TNRC18: variants seen among roughly 807,000 people sequenced by gnomAD.
TNRC18 encodes the protein trinucleotide repeat containing 18.
In TNRC18, 69 loss-of-function variants were observed where a neutral mutation model predicts 226.7. The ratio of observed to expected loss-of-function variants is 0.30; its 90% confidence interval spans 0.25 to 0.37. TNRC18 has a LOEUF of 0.37. Ranked by LOEUF, TNRC18 falls within the 10% of genes least tolerant of loss-of-function variation. The pLI is 1.00. For synonymous variants in TNRC18, 2,449 were observed against 1,927.6 expected (o/e 1.27, Z -7.09); for missense variants, 4,754 against 4,256.6 (o/e 1.12, Z -3.25).
At chr7:5,336,961 T>C (rs1323528942) in intron 18 of TNRC18, among the ~76,000 whole-genome samples, 2 of 152,296 alleles carry the variant, frequency 1.3e-5, no homozygotes, top group African/African-American at 4.8e-5. Context: ...TGCTTGAATA[T>C]TTGCTTTTCC....
Position 5,411,794 on chromosome 7 carries a change from C to T in TNRC18, c.187+9266G>A, listed in dbSNP as rs147830293. ...ACACCCAAGAACCGGGCCAACCAGA[C>T]TAGAGAAGGAAGATGGAAAATTCCA... On this transcript the variant is annotated intron_variant, in intron 2 of 29. Transcript: ENST00000430969. 4.9e-4 allele frequency among the ~76,000 whole-genome samples: 75 copies of T among 151,848 alleles called. 1 individual carries two copies. Among genetic ancestry groups the T allele is most frequent in the African/African-American group, 1.7e-3 (70 of 41,404 alleles).
At chr7:5,310,380 C>A (rs774464791) in intron 27 of TNRC18, among the ~76,000 whole-genome samples, 9 of 152,142 alleles carry the variant, frequency 5.9e-5, no homozygotes, top group Non-Finnish European at 8.8e-5. Context: ...CAGGCGTGCA[C>A]CACCACGCCT....
rs535737928 is a variant in TNRC18, at chr7:5,333,761, C to T, written c.5720-712G>A. Among the ~76,000 whole-genome samples, 6 of 152,328 alleles carry T rather than the reference C, an allele frequency of 3.9e-5. No individual in the cohort carries two copies. In the South Asian group the frequency reaches 1.0e-3, roughly 26 times the overall value. ...CCTATGCACAAAGCACCAGCTCCCCCGACCTCTCCTTGGAACGGCGCTAAG... is the reference window on the plus strand; with the variant it reads ...CCTATGCACAAAGCACCAGCTCCCCTGACCTCTCCTTGGAACGGCGCTAAG... On this transcript the variant is annotated intron_variant, in intron 18 of 29. Coordinates refer to ENST00000430969, the MANE Select transcript of TNRC18 (RefSeq NM_001080495.3).
chr7:5,416,409 C>T (rs1393238530), intron 2 of TNRC18, among the ~76,000 whole-genome samples: 3 of 152,008 alleles, frequency 2.0e-5, no homozygotes, highest in Non-Finnish European at 4.4e-5. Context: ...AGCGAGACTC[C>T]GTCTCAAAAA....
chr7:5,406,623 G>A (rs971796729), intron 2 of TNRC18, among the ~76,000 whole-genome samples: 17 of 152,198 alleles, frequency 1.1e-4, no homozygotes, highest in African/African-American at 4.1e-4. Context: ...GGCAGAAGCG[G>A]GCGGATCACC....
intron 5 of TNRC18, among the ~76,000 whole-genome samples, chr7:5,382,329 C>G (rs1430764677): frequency 6.6e-6 from 1 of 152,164 alleles, no homozygotes; most frequent in Non-Finnish European, 1.5e-5. Flanking sequence ...GCCCAGAGGC[C>G]CAGCCCCAGC....
At chr7:5,408,707 T>C (rs1204032856) in intron 2 of TNRC18, among the ~76,000 whole-genome samples, 10 of 151,900 alleles carry the variant, frequency 6.6e-5, no homozygotes, top group East Asian at 5.8e-4. Context: ...ATGTGCGGCC[T>C]GGCACAGTGG....
At chr7:5,397,386 G>A (rs566173464) in intron 2 of TNRC18, among the ~76,000 whole-genome samples, 5 of 152,266 alleles carry the variant, frequency 3.3e-5, no homozygotes, top group South Asian at 2.1e-4. Context: ...TGTGAAACCC[G>A]CCCAGCAGCA....
intron 21 of TNRC18, among the ~76,000 whole-genome samples, chr7:5,321,635 A>C (rs1788366556): frequency 6.8e-6 from 1 of 147,984 alleles, no homozygotes; most frequent in African/African-American, 2.5e-5. Context: ...CCAAACTTCT[A>C]GGACTTTATT....
intron 26 of TNRC18, 106 bp from the exon 27 acceptor site, chr7:5,313,969 GTTTTTT>G (rs11292393): frequency 2.6e-6 from 3 of 1,134,620 alleles, no homozygotes; most frequent in Non-Finnish European, 3.4e-6. Flanking sequence ...TTTTGTTTTT[GTTTTTT>G]TTTTGAGATG....
At chr7:5,408,803 C>T (rs1292164169) in intron 2 of TNRC18, among the ~76,000 whole-genome samples, 3 of 152,172 alleles carry the variant, frequency 2.0e-5, no homozygotes, top group African/African-American at 7.2e-5. Context: ...ACCCTAGTAC[C>T]TGTAAAGCCA....
At chr7:5,365,677 C>T (rs775082942) in intron 11 of TNRC18, among the ~76,000 whole-genome samples, 6 of 152,100 alleles carry the variant, frequency 3.9e-5, no homozygotes, top group African/African-American at 7.2e-5. Flanking sequence ...GGGTCTTAAA[C>T]TCCTGGGCAC....
At chr7:5,406,471 T>A (rs552312792) in intron 2 of TNRC18, among the ~76,000 whole-genome samples, 473 of 140,834 alleles carry the variant, frequency 3.4e-3, no homozygotes, top group Middle Eastern at 4.7e-3. Context: ...CAAAAAAAAA[T>A]TTTTTTTTAA....
Position 5,388,361 on chromosome 7 carries a change from T to C in TNRC18, c.1463A>G (p.Gln488Arg), listed in dbSNP as rs750290913. 2.4e-5 allele frequency: 38 copies of C among 1,571,314 alleles called. No homozygotes were observed. Among genetic ancestry groups the C allele is most frequent in the Non-Finnish European group, 3.0e-5 (35 of 1,161,742 alleles). Residue 488 changes from glutamine (Q) to arginine (R), a missense_variant, in exon 5 of 30, where the codon CAA (glutamine) becomes CGA (arginine). Transcript: ENST00000430969. ...CAGGCCGAAGAGCTTGGCGGCCTGTTGGGCTGCAGGACCGGCTGGGCCGCG... is the reference window on the plus strand; with the variant it reads ...CAGGCCGAAGAGCTTGGCGGCCTGTCGGGCTGCAGGACCGGCTGGGCCGCG... Reference protein sequence around the residue: ...APRGPAGPAAQQAAKLFGLEP... With the variant: ...APRGPAGPAARQAAKLFGLEP...
chr7:5,420,748 A>T (rs1387530233), intron 2 of TNRC18: 1 of 609,964 alleles, frequency 1.6e-6, no homozygotes, highest in African/African-American at 1.8e-5. Context: ...AGATTTTGAA[A>T]ACTCCAGCCC....
chr7:5,390,393 A>G, intron 4 of TNRC18, 92 bp downstream of exon 4: 5 of 1,317,308 alleles, frequency 3.8e-6, no homozygotes, highest in Non-Finnish European at 5.4e-6. Flanking sequence ...AGCATCCTGG[A>G]CAGAGCTGGG....
intron 5 of TNRC18, among the ~76,000 whole-genome samples, chr7:5,387,418 T>G (rs1441339747): frequency 6.6e-6 from 1 of 152,144 alleles, no homozygotes; most frequent in African/African-American, 2.4e-5. Context: ...ATCACGAAGG[T>G]GCGATGCACA....
At chr7:5,373,725 A>G (rs1794370228) in intron 10 of TNRC18, among the ~76,000 whole-genome samples, 1 of 152,154 alleles carries the variant, frequency 6.6e-6, no homozygotes, top group East Asian at 1.9e-4. Flanking sequence ...TCCCTGGACC[A>G]TCATCAGCAA....
chr7:5,391,880 G>A (rs1453159848), intron 3 of TNRC18, among the ~76,000 whole-genome samples: 1 of 149,526 alleles, frequency 6.7e-6, no homozygotes, highest in Admixed American at 6.7e-5. Flanking sequence ...TTTTTAAAGG[G>A]CACACAGAAT....
Sources: gnomAD v4.1 joint callset for allele counts (sites outside exome capture counted in the v4.1 genomes callset) on GRCh38, gnomAD v4.1.1 for gene constraint, MANE v1.5 for transcripts, NCBI Gene and HGNC (gene_info 2026-07-23, HGNC 2026-07-21) for gene names.